The following GRIK2 variants were observed in gnomAD, a reference collection of about 807,000 sequenced individuals.
GRIK2 encodes the protein glutamate ionotropic receptor kainate type subunit 2.
In GRIK2, 32 loss-of-function variants were observed where a neutral mutation model predicts 100.3. That is an observed-to-expected ratio of 0.32 (90% CI 0.24 to 0.43). The LOEUF (loss-of-function observed/expected upper bound fraction) is 0.43, where lower values mean the gene tolerates loss of function less well. Among genes scored for constraint, GRIK2 ranks in the 20% least tolerant of loss-of-function variants. The pLI is 1.00. For missense variants in GRIK2, 843 were observed against 1,114.9 expected, an observed-to-expected ratio of 0.76 and a Z score of 3.47; for synonymous variants, 417 against 389.4, an observed-to-expected ratio of 1.07 and a Z score of -0.83.
chr6:101,839,746 G>T (rs1017740103), intron 10 of GRIK2, among the ~76,000 whole-genome samples: 33 of 151,918 alleles, frequency 2.2e-4, no homozygotes, highest in South Asian at 6.2e-4. Context: ...ATATATGGGG[G>T]AAAAATGAAG....
At chr6:101,903,430 G>A (rs1788011636) in intron 12 of GRIK2, among the ~76,000 whole-genome samples, 1 of 151,722 alleles carries the variant, frequency 6.6e-6, no homozygotes, top group Non-Finnish European at 1.5e-5. Context: ...TCAGTTATCA[G>A]AATGCCTGTC....
intron 11 of GRIK2, among the ~76,000 whole-genome samples, chr6:101,887,231 T>C (rs1481111097): frequency 6.6e-6 from 1 of 152,144 alleles, no homozygotes; most frequent in Non-Finnish European, 1.5e-5. Context: ...AGGTAATGCA[T>C]ATGTTAATTA....
At chr6:101,975,823 C>CTATCTATT (rs1793340602) in intron 14 of GRIK2, among the ~76,000 whole-genome samples, 1 of 151,600 alleles carries the variant, frequency 6.6e-6, no homozygotes. Context: ...ATCTATCTAT[C>CTATCTATT]TATCTATCTA....
chr6:101,823,920 T>C (rs1782138902), intron 10 of GRIK2, among the ~76,000 whole-genome samples: 2 of 151,072 alleles, frequency 1.3e-5, no homozygotes, highest in South Asian at 4.2e-4. Flanking sequence ...CAGGCTGCAG[T>C]GCAGTAGCAT....
chr6:101,508,074 A>T (rs1455915979), intron 2 of GRIK2, among the ~76,000 whole-genome samples: 1 of 146,696 alleles, frequency 6.8e-6, no homozygotes, highest in African/African-American at 2.6e-5. Flanking sequence ...ACCAAATAAT[A>T]GCCTTACTGA....
At chr6:102,025,608 G>T (rs1769652162) in intron 14 of GRIK2, among the ~76,000 whole-genome samples, 1 of 151,132 alleles carries the variant, frequency 6.6e-6, no homozygotes, top group Admixed American at 6.6e-5. Flanking sequence ...CTATTAAATT[G>T]TACCCCTAAT....
At chr6:101,559,712 A>G (rs1052199462) in intron 2 of GRIK2, among the ~76,000 whole-genome samples, 4 of 152,052 alleles carry the variant, frequency 2.6e-5, no homozygotes, top group African/African-American at 9.7e-5. Context: ...AATTACACAT[A>G]TTTGTGATTT....
chr6:101,471,932 G>T (rs1298222759), intron 2 of GRIK2, among the ~76,000 whole-genome samples: 1 of 151,732 alleles, frequency 6.6e-6, no homozygotes, highest in African/African-American at 2.4e-5. Context: ...TGAGCTATAT[G>T]TTCAATAAAA....
At chr6:101,822,589 T>C (rs911516248) in intron 10 of GRIK2, among the ~76,000 whole-genome samples, 2 of 152,124 alleles carry the variant, frequency 1.3e-5, no homozygotes, top group African/African-American at 4.8e-5. Flanking sequence ...TATGGTCCAC[T>C]ACAAAAAATC....
At chr6:101,558,137 T>C in intron 2 of GRIK2, among the ~76,000 whole-genome samples, 1 of 152,190 alleles carries the variant, frequency 6.6e-6, no homozygotes, top group East Asian at 1.9e-4. Context: ...TCCTTCTAAA[T>C]AGCCAAATCT....
chr6:101,499,513 A>T (rs1773639053), intron 2 of GRIK2, among the ~76,000 whole-genome samples: 1 of 152,116 alleles, frequency 6.6e-6, no homozygotes, highest in South Asian at 2.1e-4. Flanking sequence ...AGTACTTTTT[A>T]ATGTGCTTTG....
At chr6:101,500,895 A>AAATGTTAGTTTGG (rs1344888330) in intron 2 of GRIK2, among the ~76,000 whole-genome samples, 1 of 152,064 alleles carries the variant, frequency 6.6e-6, no homozygotes, top group African/African-American at 2.4e-5. Flanking sequence ...AAGTTATTCC[A>AAATGTTAGTTTGG]AATGTTTAGT....
chr6:101,721,352 C>T (rs1005698380), intron 7 of GRIK2, among the ~76,000 whole-genome samples: 5 of 151,804 alleles, frequency 3.3e-5, no homozygotes, highest in East Asian at 1.9e-4. Flanking sequence ...CCCAGGAGTT[C>T]GAAACCAGAC....
chr6:101,750,011 C>T (rs1025680128), intron 7 of GRIK2, among the ~76,000 whole-genome samples: 1 of 151,730 alleles, frequency 6.6e-6, no homozygotes, highest in African/African-American at 2.4e-5. Flanking sequence ...GACAGGGTTT[C>T]ACCATGTTGG....
chr6:101,531,645 A>G (rs550373382), intron 2 of GRIK2, among the ~76,000 whole-genome samples: 3 of 151,842 alleles, frequency 2.0e-5, no homozygotes, highest in Non-Finnish European at 4.4e-5. Context: ...AGATAAGCCA[A>G]ATGGCATTAT....
At chr6:101,833,992 C>T (rs1782882511) in intron 10 of GRIK2, among the ~76,000 whole-genome samples, 1 of 151,894 alleles carries the variant, frequency 6.6e-6, no homozygotes, top group South Asian at 2.1e-4. Context: ...AATAAAAATT[C>T]CAAAGTATTT....
intron 10 of GRIK2, among the ~76,000 whole-genome samples, chr6:101,836,003 G>T (rs963201313): frequency 4.5e-4 from 55 of 123,528 alleles, no homozygotes; most frequent in Non-Finnish European, 6.2e-4. Context: ...GAGAAAGGTT[G>T]CTGAGTACAA....
chr6:101,622,229 A>G (rs1780198765), intron 3 of GRIK2, 113 bp downstream of exon 3: 3 of 594,188 alleles, frequency 5.0e-6, no homozygotes, highest in Non-Finnish European at 5.8e-6. Context: ...GAATATTTGC[A>G]TGCAAAGATT....
intron 7 of GRIK2, among the ~76,000 whole-genome samples, chr6:101,748,117 A>C (rs1468313559): frequency 2.0e-5 from 3 of 152,212 alleles, no homozygotes; most frequent in Non-Finnish European, 2.9e-5. Flanking sequence ...TGGTTGGGTT[A>C]AGTTATAACA....
Sources: gnomAD v4.1 joint callset for allele counts (sites outside exome capture counted in the v4.1 genomes callset) on GRCh38, gnomAD v4.1.1 for gene constraint, MANE v1.5 for transcripts, NCBI Gene and HGNC (gene_info 2026-07-23, HGNC 2026-07-21) for gene names.